Variants in GPATCH8 observed in about 807,000 individuals in gnomAD.
The protein encoded by GPATCH8 is G-patch domain containing 8, also known as G patch domain-containing protein 8.
In GPATCH8, 18 loss-of-function variants were observed where a neutral mutation model predicts 118.3. The ratio of observed to expected loss-of-function variants is 0.15; its 90% CI spans 0.11 to 0.23. GPATCH8 has a LOEUF of 0.23. GPATCH8 is among the 10% of genes least tolerant of loss of function. GPATCH8 has a pLI of 1.00. For missense variants in GPATCH8, 1,631 were observed against 1,873.8 expected, an observed-to-expected ratio of 0.87 and a Z score of 2.39; for synonymous variants, 659 against 684.7, an observed-to-expected ratio of 0.96 and a Z score of 0.59.
intron 6 of GPATCH8, among the ~76,000 whole-genome samples, chr17:44,414,115 A>ATATATATGTGTATATATATATATG (rs1555624945): frequency 3.6e-5 from 3 of 83,464 alleles, no homozygotes; most frequent in Non-Finnish European, 5.1e-5. Flanking sequence ...GTATATATAT[A>ATATATATGTGTATATATATATATG]TGTATATATA....
chr17:44,466,244 G>A (rs1275919111), intron 2 of GPATCH8, among the ~76,000 whole-genome samples: 1 of 152,046 alleles, frequency 6.6e-6, no homozygotes, highest in African/African-American at 2.4e-5. Context: ...CTGGGCTCAA[G>A]CAATCCTCCC....
In GPATCH8 at chr17:44,416,278, C is replaced by T. The variant is rs574387327; in HGVS notation, c.492+8071G>A. 5.9e-5 allele frequency among the ~76,000 whole-genome samples: 9 copies of T among 152,048 alleles called. No individual in the cohort carries two copies. The South Asian group carries it at 1.7e-3, about 28-fold the overall frequency. On this transcript the variant is annotated intron_variant, in intron 6 of 7. Transcript: ENST00000591680. Reference sequence around the variant, plus strand: ...CATCCACCTCGGCCTCCCAAAATGCCGGGAATACAGGCGTGAGCCACCATG... The same window carrying T: ...CATCCACCTCGGCCTCCCAAAATGCTGGGAATACAGGCGTGAGCCACCATG...
At chr17:44,458,306 T>G (rs922063198) in intron 3 of GPATCH8, among the ~76,000 whole-genome samples, 4 of 152,042 alleles carry the variant, frequency 2.6e-5, no homozygotes, top group African/African-American at 9.7e-5. Flanking sequence ...TTTTAATTTT[T>G]AAGTAATCCA....
intron 5 of GPATCH8, among the ~76,000 whole-genome samples, chr17:44,433,382 T>A (rs1301528330): frequency 6.6e-6 from 1 of 152,234 alleles, no homozygotes; most frequent in Non-Finnish European, 1.5e-5. Flanking sequence ...CTGTGCTGGA[T>A]GCAGGATATA....
chr17:44,470,494 CTTTTTTT>C (rs35343849), intron 2 of GPATCH8, among the ~76,000 whole-genome samples: 1 of 76,316 alleles, frequency 1.3e-5, no homozygotes, highest in African/African-American at 5.0e-5. Context: ...GCACCCAGCG[CTTTTTTT>C]TTTTTTTTTT....
At chr17:44,449,536 G>C (rs1762687019) in intron 3 of GPATCH8, among the ~76,000 whole-genome samples, 1 of 135,146 alleles carries the variant, frequency 7.4e-6, no homozygotes, top group South Asian at 2.4e-4. Context: ...TTTTTCCTGA[G>C]ACAGAGTTTC....
intron 3 of GPATCH8, among the ~76,000 whole-genome samples, chr17:44,452,045 C>T (rs956537422): frequency 2.0e-5 from 3 of 151,912 alleles, no homozygotes; most frequent in Admixed American, 1.3e-4. Context: ...CCGATTCGGG[C>T]GGATTGCCCG....
At position 44,499,412 on chromosome 17, in the gene GPATCH8, G is replaced by C. The variant is rs545379732; in HGVS notation, c.45+3914C>G. 3.9e-5 allele frequency among the ~76,000 whole-genome samples: 6 copies of C among 152,328 alleles called. No individual in the cohort carries two copies. The South Asian group carries it at 1.0e-3, about 26-fold the overall frequency. Reference sequence around the variant, plus strand: ...TTGAACCCGGGAGGCGGAGGTTGAGGTGAGCCAAGATGGTGCCATTGCACT... The same window carrying C: ...TTGAACCCGGGAGGCGGAGGTTGAGCTGAGCCAAGATGGTGCCATTGCACT... On this transcript the variant is annotated intron_variant, in intron 1 of 7. Transcript: ENST00000591680.
chr17:44,396,160 G>T lies in GPATCH8; in HGVS notation c.*1408C>A, dbSNP rs1273855347. On this transcript the variant is annotated 3_prime_UTR_variant, in exon 8 of 8. Transcript: ENST00000591680. ...CAAAAGGCACATTAAAAAAAAAATT[G>T]TCAGAGGGGGCTAAGTACTAGGAAG... is the stretch of plus-strand genomic sequence containing the variant. 3 of 454,132 alleles carry T rather than the reference G, an allele frequency of 6.6e-6. No individual in the cohort carries two copies. In the Admixed American group the frequency reaches 7.1e-5, roughly 11 times the overall value. 28.1% of individuals were successfully genotyped at this position (454,132 alleles called of 1,614,324 possible).
At chr17:44,444,813 G>A (rs2050819011) in intron 3 of GPATCH8, among the ~76,000 whole-genome samples, 1 of 152,106 alleles carries the variant, frequency 6.6e-6, no homozygotes, top group Admixed American at 6.6e-5. Flanking sequence ...TGTGCCCTGA[G>A]TTTTACTTAT....
intron 1 of GPATCH8, among the ~76,000 whole-genome samples, chr17:44,489,878 T>C (rs1426262685): frequency 5.9e-5 from 9 of 152,180 alleles, no homozygotes; most frequent in Admixed American, 5.9e-4. Flanking sequence ...GGCGTCTGAT[T>C]ATCTGAAGGC....
chr17:44,485,930 T>G (rs1176157304), intron 1 of GPATCH8, among the ~76,000 whole-genome samples: 8 of 152,324 alleles, frequency 5.3e-5, no homozygotes, highest in Non-Finnish European at 1.0e-4. Flanking sequence ...AAGGTCTCCC[T>G]GTCACCCAAG....
chr17:44,431,064 A>G (rs1197327636), intron 5 of GPATCH8, among the ~76,000 whole-genome samples: 1 of 151,908 alleles, frequency 6.6e-6, no homozygotes, highest in Non-Finnish European at 1.5e-5. Context: ...TCTCAACAAC[A>G]ATTTTACCTA....
chr17:44,437,971 C>T (rs1249561440), intron 3 of GPATCH8, among the ~76,000 whole-genome samples: 1 of 141,940 alleles, frequency 7.0e-6, no homozygotes, highest in Non-Finnish European at 1.5e-5. Flanking sequence ...AAAACAACAA[C>T]TTCTAGAATA....
At chr17:44,493,567 T>G (rs988536032) in intron 1 of GPATCH8, among the ~76,000 whole-genome samples, 13 of 152,116 alleles carry the variant, frequency 8.5e-5, no homozygotes, top group Admixed American at 8.5e-4. Flanking sequence ...GAGAGGCCAA[T>G]CTATATACCA....
At position 44,469,898 on chromosome 17, in the gene GPATCH8, G is replaced by A. The variant is rs572455444; in HGVS notation, c.120+4931C>T. ...GCAGTCTTATAAAGAATTACAGTTT[G>A]GAACTAGTGGAGTCCACAGATCTAG... On this transcript the variant is annotated intron_variant, in intron 2 of 7. Transcript: ENST00000591680. Among the ~76,000 whole-genome samples the A allele has an allele frequency of 2.6e-5, 4 of 152,296 alleles. No individual in the cohort carries two copies. In the South Asian group the frequency reaches 8.3e-4, roughly 32 times the overall value.
chr17:44,436,423 TTAG>T (rs2050515539), intron 4 of GPATCH8, 52 bp downstream of exon 4: 5 of 811,790 alleles, frequency 6.2e-6, no homozygotes, highest in Non-Finnish European at 1.1e-5. Flanking sequence ...GAATTTGGAA[TTAG>T]TATTATTTCA....
Position 44,396,099 on chromosome 17 carries a change from T to C in GPATCH8, c.*1469A>G. On this transcript the variant is annotated 3_prime_UTR_variant, in exon 8 of 8. Coordinates refer to ENST00000591680, the MANE Select transcript of GPATCH8 (RefSeq NM_001002909.4). The stretch of plus-strand genomic sequence containing the variant: ...ACAAAAGGAAGACTGTCCCAACTCA[T>C]CCTCCAGCCTACTTCTACTTCCGTT... 2.2e-6 allele frequency: 1 copy of C among 454,326 alleles called. No individual in the cohort carries two copies. Among genetic ancestry groups the C allele is most frequent in the African/African-American group, 2.0e-5 (1 of 50,004 alleles). 28.1% of individuals were successfully genotyped at this position (454,326 alleles called of 1,614,324 possible). A position where few individuals can be genotyped will look rare whatever the true frequency, so the allele number is the denominator to read the frequency against.
At chr17:44,414,711 G>C (rs1275604143) in intron 6 of GPATCH8, among the ~76,000 whole-genome samples, 1 of 152,052 alleles carries the variant, frequency 6.6e-6, no homozygotes, top group Non-Finnish European at 1.5e-5. Flanking sequence ...ACTCCCAAAA[G>C]AAACCTCATA....
Sources: gnomAD v4.1 joint callset for allele counts (sites outside exome capture counted in the v4.1 genomes callset) on GRCh38, gnomAD v4.1.1 for gene constraint, MANE v1.5 for transcripts, NCBI Gene and HGNC (gene_info 2026-07-23, HGNC 2026-07-21) for gene names.